ELMO1: variants seen among roughly 807,000 people sequenced by gnomAD.
ELMO1 encodes the protein engulfment and cell motility protein 1.
In ELMO1, 26 loss-of-function variants were observed where a neutral mutation model predicts 98.9. The observed-to-expected ratio is 0.26, with a 90% CI of 0.19 to 0.36. The LOEUF is 0.36. ELMO1 is among the 10% of genes least tolerant of loss of function. The pLI, the probability that ELMO1 is intolerant of heterozygous loss-of-function variation, is 1.00. For synonymous variants in ELMO1, 346 were observed against 346.0 expected (o/e 1.00, Z 0.00); for missense variants, 627 against 935.2 (o/e 0.67, Z 4.30).
chr7:37,426,462 C>T (rs1804712964), intron 1 of ELMO1, among the ~76,000 whole-genome samples: 1 of 151,832 alleles, frequency 6.6e-6, no homozygotes, highest in Non-Finnish European at 1.5e-5. Flanking sequence ...CTTGTATTTG[C>T]TATAAAATAA....
rs541944182 is a variant in ELMO1 at position 36,929,468 on chromosome 7, T to C, written c.1438-34451A>G. ...GGTAAATACACATCAAGGCATCAGATTGAAAATTTCTCTAAGCTGAGATTA... is the reference window on the plus strand; with the variant it reads ...GGTAAATACACATCAAGGCATCAGACTGAAAATTTCTCTAAGCTGAGATTA... On this transcript the variant is annotated intron_variant, in intron 16 of 21. Transcript: ENST00000310758. Among the ~76,000 whole-genome samples, 22 of 152,314 alleles carry C rather than the reference T, an allele frequency of 1.4e-4. 1 individual carries two copies. The highest frequency in any genetic ancestry group is 4.1e-4 in the South Asian group (2 of 4,824).
intron 16 of ELMO1, among the ~76,000 whole-genome samples, chr7:36,995,851 A>C (rs561644040): frequency 6.6e-6 from 1 of 152,206 alleles, no homozygotes; most frequent in Non-Finnish European, 1.5e-5. Flanking sequence ...TAATCTACAA[A>C]TGAGATAATC....
At position 37,013,936 on chromosome 7, in the gene ELMO1, A is replaced by T. The variant is rs551307432; in HGVS notation, c.1301-501T>A. On this transcript the variant is annotated intron_variant, in intron 15 of 21. Transcript: ENST00000310758. ...AGGAGGCTCTTTTCTCTCTCATGGCAGTAAGCAGGGAACATTTGAGATCAT... is the reference window on the plus strand; with the variant it reads ...AGGAGGCTCTTTTCTCTCTCATGGCTGTAAGCAGGGAACATTTGAGATCAT... Among the ~76,000 whole-genome samples, 10 of 152,324 alleles carry T rather than the reference A, an allele frequency of 6.6e-5. No homozygotes were observed. In the South Asian group the frequency reaches 1.5e-3, roughly 22 times the overall value.
intron 16 of ELMO1, among the ~76,000 whole-genome samples, chr7:36,942,374 C>G (rs754564848): frequency 6.6e-6 from 1 of 152,170 alleles, no homozygotes; most frequent in Non-Finnish European, 1.5e-5. Context: ...TCTAGAAAAA[C>G]AAAATGATTT....
At chr7:37,124,811 A>G (rs1786377038) in intron 14 of ELMO1, among the ~76,000 whole-genome samples, 1 of 152,244 alleles carries the variant, frequency 6.6e-6, no homozygotes, top group Non-Finnish European at 1.5e-5. Context: ...GAACCAAAAA[A>G]GAGCCCACAT....
At chr7:36,993,884 G>A (rs1033627582) in intron 16 of ELMO1, among the ~76,000 whole-genome samples, 5 of 152,164 alleles carry the variant, frequency 3.3e-5, no homozygotes, top group African/African-American at 4.8e-5. Context: ...GCATGAGAAC[G>A]ACGAAGCAAA....
chr7:37,157,229 G>C (rs1434768909), intron 13 of ELMO1, among the ~76,000 whole-genome samples: 2 of 152,174 alleles, frequency 1.3e-5, no homozygotes, highest in Non-Finnish European at 1.5e-5. Context: ...GGGAAAAACT[G>C]GAAGCATTCC....
intron 16 of ELMO1, among the ~76,000 whole-genome samples, chr7:37,008,983 G>A (rs1014456781): frequency 3.9e-5 from 6 of 152,252 alleles, no homozygotes; most frequent in Admixed American, 2.0e-4. Context: ...AAAGCCCCCA[G>A]GTGATTCTGA....
intron 6 of ELMO1, among the ~76,000 whole-genome samples, chr7:37,246,812 ATATC>A (rs1022551806): frequency 5.3e-5 from 8 of 151,736 alleles, no homozygotes; most frequent in South Asian, 2.1e-4. Context: ...AGATAGATAG[ATATC>A]TATCTATATA....
intron 15 of ELMO1, among the ~76,000 whole-genome samples, chr7:37,090,258 T>C (rs1431894814): frequency 6.6e-6 from 1 of 152,224 alleles, no homozygotes. Flanking sequence ...CTACTACTTG[T>C]AGCTGAAATT....
At position 37,244,394 on chromosome 7, in the gene ELMO1, G is replaced by A; in HGVS notation, c.414-3C>T. The A allele has an allele frequency of 6.2e-7, 1 of 1,612,336 alleles. No individual in the cohort carries two copies. Among genetic ancestry groups the A allele is most frequent in the Non-Finnish European group, 8.5e-7 (1 of 1,179,574 alleles). ...TCTTCTGCAATTTCTGGTATCGCCT[G>A]CAAAATTTAAAAACAACCATGTGAG... On this transcript the variant is annotated splice_region_variant and splice_polypyrimidine_tract_variant and intron_variant, in intron 6 of 21. Transcript: ENST00000310758.
intron 6 of ELMO1, among the ~76,000 whole-genome samples, chr7:37,249,908 C>T (rs566284416): frequency 1.3e-5 from 2 of 152,154 alleles, no homozygotes; most frequent in South Asian, 2.1e-4. Flanking sequence ...GAGAGACCTT[C>T]GTCTCTATAA....
At chr7:37,149,761 G>A (rs1788235628) in intron 13 of ELMO1, among the ~76,000 whole-genome samples, 1 of 152,132 alleles carries the variant, frequency 6.6e-6, no homozygotes, top group Admixed American at 6.5e-5. Flanking sequence ...GAATTAATCA[G>A]AAAATCAGTC....
rs150303762 is a variant in ELMO1, at chr7:37,033,994, G to T, written c.1301-20559C>A. On this transcript the variant is annotated intron_variant, in intron 15 of 21. Transcript: ENST00000310758. Reference sequence around the variant, plus strand: ...GAGCATTAGTGGACTTACTTACATTGTATTCCCATGTACAAATCAGATATA... The same window carrying T: ...GAGCATTAGTGGACTTACTTACATTTTATTCCCATGTACAAATCAGATATA... Among the ~76,000 whole-genome samples the T allele has an allele frequency of 1.2e-3, 183 of 152,322 alleles. 1 individual carries two copies. The highest frequency in any genetic ancestry group is 4.2e-3 in the African/African-American group (175 of 41,560).
intron 18 of ELMO1, among the ~76,000 whole-genome samples, chr7:36,883,601 C>T (rs913495407): frequency 2.0e-5 from 3 of 152,048 alleles, no homozygotes; most frequent in Non-Finnish European, 4.4e-5. Context: ...CCTCCTCCTC[C>T]CTCTTTTCCT....
intron 15 of ELMO1, among the ~76,000 whole-genome samples, chr7:37,088,769 C>T (rs1202697922): frequency 1.3e-5 from 2 of 152,214 alleles, no homozygotes; most frequent in Admixed American, 6.5e-5. Context: ...TTATTTAAAA[C>T]AATCACCTTC....
At chr7:37,322,059 T>G (rs1799544427) in intron 2 of ELMO1, among the ~76,000 whole-genome samples, 1 of 151,594 alleles carries the variant, frequency 6.6e-6, no homozygotes, top group Non-Finnish European at 1.5e-5. Flanking sequence ...GGGGTTTCAC[T>G]ATGTTGGCCA....
intron 15 of ELMO1, among the ~76,000 whole-genome samples, chr7:37,076,409 G>A (rs899569556): frequency 2.0e-5 from 3 of 152,162 alleles, no homozygotes; most frequent in East Asian, 1.9e-4. Context: ...CATGGGATCC[G>A]ATGAAGTAAG....
intron 15 of ELMO1, among the ~76,000 whole-genome samples, chr7:37,042,630 C>CAG (rs1394935706): frequency 6.6e-6 from 1 of 152,136 alleles, no homozygotes; most frequent in African/African-American, 2.4e-5. Context: ...CATTAGTGAC[C>CAG]AGACGTTCAC....
Sources: allele counts gnomAD v4.1 joint callset (sites outside exome capture counted in the v4.1 genomes callset), GRCh38; gene constraint gnomAD v4.1.1; transcripts MANE v1.5; gene names NCBI Gene and HGNC (gene_info 2026-07-23, HGNC 2026-07-21).